The following PPIP5K2 variants were observed in gnomAD, a reference collection of about 807,000 sequenced individuals.
PPIP5K2 encodes the protein inositol hexakisphosphate and diphosphoinositol-pentakisphosphate kinase 2.
A neutral mutation model predicts 154.6 loss-of-function variants in PPIP5K2; 105 were observed. The observed-to-expected ratio is 0.68, with a 90% CI of 0.58 to 0.80. The LOEUF is 0.80. PPIP5K2 is among the 30% of genes least tolerant of loss of function. PPIP5K2 has a pLI of 0.00. For synonymous variants in PPIP5K2, 480 were observed against 490.3 expected, an observed-to-expected ratio of 0.98 and a Z score of 0.28; for missense variants, 992 against 1,504.6, an observed-to-expected ratio of 0.66 and a Z score of 5.64.
rs781785537 is a variant in PPIP5K2 at position 103,167,195 on chromosome 5, G to A, written c.1937G>A (p.Ser646Asn). The A allele has an allele frequency of 1.3e-6, 2 of 1,566,220 alleles. No individual in the cohort carries two copies. Among genetic ancestry groups the A allele is most frequent in the South Asian group, 1.2e-5 (1 of 83,156 alleles). Reference protein sequence around the residue: ...EDYEKLTPSGSISLIKSMHLI... With the variant: ...EDYEKLTPSGNISLIKSMHLI... ...CATTTGTAGCTTACTCCATCTGGAA[G>A]CATTTCTCTTATCAAATCAATGCAT... Residue 646 changes from serine (S) to asparagine (N), a missense_variant, in exon 18 of 31, where the codon AGC becomes AAC. Physicochemically the swap from Ser to Asn is conservative, Grantham distance 46. Transcript: ENST00000358359.
intron 8 of PPIP5K2, 116 bp from the exon 9 acceptor site, chr5:103,151,137 A>G: frequency 1.3e-6 from 1 of 769,668 alleles, no homozygotes; most frequent in South Asian, 2.7e-5. Flanking sequence ...GTAAACCACT[A>G]TATAGTAATA....
rs1788427837 is a variant in PPIP5K2 at position 103,120,313 on chromosome 5, G to A, written c.-460G>A. On this transcript the variant is annotated 5_prime_UTR_variant, in exon 1 of 31. Transcript: ENST00000358359. ...AGATTCCTGAGGTGTAGTAGCCTGA[G>A]GTTCCCTTATGTGGCCCTATAGCTG... 2.4e-6 allele frequency: 1 copy of A among 417,748 alleles called. No homozygotes were observed. Among genetic ancestry groups the A allele is most frequent in the Non-Finnish European group, 4.9e-6 (1 of 203,246 alleles). The allele number at this position is 417,748 out of a possible 1,614,324, so 25.9% of individuals were successfully genotyped here.
intron 17 of PPIP5K2, among the ~76,000 whole-genome samples, chr5:103,166,475 T>G (rs1797135489): frequency 6.6e-6 from 1 of 151,996 alleles, no homozygotes; most frequent in African/African-American, 2.4e-5. Flanking sequence ...GGGCACTCAT[T>G]TTTCTTCAGT....
At position 103,201,762 on chromosome 5, in the gene PPIP5K2, A is replaced by G; in HGVS notation, c.*128A>G. 3 of 697,428 alleles carry G rather than the reference A, an allele frequency of 4.3e-6. No individual in the cohort carries two copies. Among genetic ancestry groups the G allele is most frequent in the Non-Finnish European group, 7.2e-6 (3 of 418,588 alleles). The allele number at this position is 697,428 out of a possible 1,614,324, so 43.2% of individuals were successfully genotyped here. ...AGGTTTTCTTTGTTTATGTTCAGGT[A>G]AGGAACTGTTGTCATGATCTGGAAA... is the stretch of plus-strand genomic sequence containing the variant. On this transcript the variant is annotated 3_prime_UTR_variant, in exon 31 of 31. Transcript: ENST00000358359.
intron 7 of PPIP5K2, 62 bp downstream of exon 7, chr5:103,148,094 A>C: frequency 8.5e-7 from 1 of 1,183,050 alleles, no homozygotes; most frequent in Non-Finnish European, 1.2e-6. Context: ...TATCAGAAAA[A>C]GTAGTTAATC....
chr5:103,186,736 G>A (rs115490005), intron 27 of PPIP5K2, among the ~76,000 whole-genome samples: 209 of 152,142 alleles, frequency 1.4e-3, no homozygotes, highest in African/African-American at 4.7e-3. Flanking sequence ...AAGAGCAAGC[G>A]TTTCTTTGAT....
rs782602328 is a variant in PPIP5K2 at position 103,159,313 on chromosome 5, T to G, written c.1905T>G (p.Ala635=). The G allele has an allele frequency of 6.2e-6, 10 of 1,605,840 alleles. No individual in the cohort carries two copies. The South Asian group carries it at 1.1e-4, about 18-fold the overall frequency. Residue 635 remains alanine, a synonymous_variant, in exon 17 of 31, where the codon GCT becomes GCG. Transcript: ENST00000358359. ...EILQKDRDFT[A]EDYEKLTPSG... Reference sequence around the variant, plus strand: ...TTCAGAAAGACAGAGATTTTACTGCTGAAGATTATGAAAAGGTGGGTCTTA... The same window carrying G: ...TTCAGAAAGACAGAGATTTTACTGCGGAAGATTATGAAAAGGTGGGTCTTA...
chr5:103,201,148 A>C (rs1802923300), intron 30 of PPIP5K2, among the ~76,000 whole-genome samples: 1 of 152,338 alleles, frequency 6.6e-6, no homozygotes, highest in African/African-American at 2.4e-5. Flanking sequence ...GATATCTTTA[A>C]AGAAAGTTTC....
At position 103,140,578 on chromosome 5, in the gene PPIP5K2, G is replaced by A. The variant is rs140548233; in HGVS notation, c.487+2109G>A. On this transcript the variant is annotated intron_variant, in intron 5 of 30. Coordinates refer to ENST00000358359, the MANE Select transcript of PPIP5K2 (RefSeq NM_001276277.3). ...CAAAATTATCCTTCAGGCCGGGCGC[G>A]GTGGCTCACGCCTGTAATCCCAGCA... Among the ~76,000 whole-genome samples, 1,303 of 152,082 alleles carry A rather than the reference G, an allele frequency of 8.6e-3. 9 individuals carry two copies. Among genetic ancestry groups the A allele is most frequent in the Non-Finnish European group, 0.012 (790 of 67,978 alleles).
At chr5:103,121,410 A>G (rs1554199013) in intron 1 of PPIP5K2, among the ~76,000 whole-genome samples, 1 of 152,222 alleles carries the variant, frequency 6.6e-6, no homozygotes, top group African/African-American at 2.4e-5. Flanking sequence ...GGCTTTGAAC[A>G]GTCAAGCAAC....
chr5:103,187,967 A>G (rs1446202640), intron 28 of PPIP5K2, among the ~76,000 whole-genome samples: 1 of 152,162 alleles, frequency 6.6e-6, no homozygotes, highest in Non-Finnish European at 1.5e-5. Flanking sequence ...GTTCTTGTGT[A>G]GCAATGTGGT....
intron 9 of PPIP5K2, 66 bp from the exon 10 acceptor site, chr5:103,152,582 C>T: frequency 3.2e-6 from 3 of 934,450 alleles, no homozygotes; most frequent in Non-Finnish European, 5.2e-6. Context: ...CTCTCTCATC[C>T]TCATTAAGTA....
At chr5:103,151,629 T>C (rs1251597685) in intron 9 of PPIP5K2, among the ~76,000 whole-genome samples, 2 of 151,362 alleles carry the variant, frequency 1.3e-5, no homozygotes, top group African/African-American at 4.8e-5. Context: ...TGATTATTAG[T>C]CAAAAGTTTA....
At chr5:103,127,519 A>G (rs925370093) in intron 1 of PPIP5K2, among the ~76,000 whole-genome samples, 3 of 152,230 alleles carry the variant, frequency 2.0e-5, no homozygotes, top group Admixed American at 1.3e-4. Context: ...TTGGATAACT[A>G]TATTCATTTC....
chr5:103,153,833 A>G lies in PPIP5K2; in HGVS notation c.1131-15A>G, dbSNP rs1554212083. 5 of 1,554,228 alleles carry G rather than the reference A, an allele frequency of 3.2e-6. No homozygotes were observed. The highest frequency in any genetic ancestry group is 4.4e-6 in the Non-Finnish European group (5 of 1,137,046). On this transcript the variant is annotated splice_polypyrimidine_tract_variant and intron_variant, in intron 10 of 30. Coordinates refer to ENST00000358359, the MANE Select transcript of PPIP5K2 (RefSeq NM_001276277.3). ...TTTTTAGAGAATTAAGAACATATAT[A>G]TTTTTTCATTTTAGGATGGAACTTA...
At chr5:103,147,244 T>C (rs1220275787) in intron 6 of PPIP5K2, among the ~76,000 whole-genome samples, 2 of 151,948 alleles carry the variant, frequency 1.3e-5, no homozygotes, top group African/African-American at 4.8e-5. Context: ...TGCATATACA[T>C]ATAGAAATTG....
chr5:103,140,205 G>A (rs1233606638), intron 5 of PPIP5K2, among the ~76,000 whole-genome samples: 1 of 150,594 alleles, frequency 6.6e-6, no homozygotes, highest in African/African-American at 2.4e-5. Flanking sequence ...CCAAGAATTA[G>A]TGCTCTTAAA....
chr5:103,146,772 A>G, intron 6 of PPIP5K2, 91 bp downstream of exon 6: 1 of 1,103,078 alleles, frequency 9.1e-7, no homozygotes. Flanking sequence ...ACCGTTAAAT[A>G]TTGAACTCTT....
rs1363869720 is a variant in PPIP5K2 at position 103,211,842 on chromosome 5, A to G, written c.*10208A>G. Reference sequence around the variant, plus strand: ...CATAAAGTTCATGGCAAAATAACCCACATAATTAACTGCTTTGTTACAAAA... The same window carrying G: ...CATAAAGTTCATGGCAAAATAACCCGCATAATTAACTGCTTTGTTACAAAA... On this transcript the variant is annotated 3_prime_UTR_variant, in exon 31 of 31. Transcript: ENST00000358359. The G allele has an allele frequency of 6.6e-6, 1 of 152,140 alleles. No individual in the cohort carries two copies. Among genetic ancestry groups the G allele is most frequent in the African/African-American group, 2.4e-5 (1 of 41,448 alleles). 9.4% of individuals were successfully genotyped at this position (152,140 alleles called of 1,614,324 possible).
Sources: gnomAD v4.1 joint callset for allele counts (sites outside exome capture counted in the v4.1 genomes callset) on GRCh38, gnomAD v4.1.1 for gene constraint, MANE v1.5 for transcripts, NCBI Gene and HGNC (gene_info 2026-07-23, HGNC 2026-07-21) for gene names.